Variants in RORA observed in about 807,000 individuals in gnomAD.
RORA encodes RAR related orphan receptor A, also known as nuclear receptor ROR-alpha.
RORA carries 7 observed loss-of-function variants against 69.5 expected under a neutral mutation model. The observed-to-expected ratio is 0.10, with a 90% CI of 0.06 to 0.19. The LOEUF (loss-of-function observed/expected upper bound fraction) is 0.19, where lower values mean the gene tolerates loss of function less well. Among genes scored for constraint, RORA ranks in the 10% least tolerant of loss-of-function variants. The pLI is 1.00. For missense variants in RORA, 457 were observed against 663.0 expected, an observed-to-expected ratio of 0.69 and a Z score of 3.41; for synonymous variants, 261 against 240.8, an observed-to-expected ratio of 1.08 and a Z score of -0.78.
chr15:61,139,512 A>G (rs1340037465), intron 1 of RORA, among the ~76,000 whole-genome samples: 1 of 152,240 alleles, frequency 6.6e-6, no homozygotes, highest in African/African-American at 2.4e-5. Context: ...TAATACATCA[A>G]CTTTTGGATT....
rs186905146 is a variant in RORA at position 61,128,290 on chromosome 15, C to T, written c.166+100763G>A. Among the ~76,000 whole-genome samples the T allele has an allele frequency of 1.2e-4, 18 of 151,564 alleles. No individual in the cohort carries two copies. In the East Asian group the frequency reaches 1.5e-3, roughly 13 times the overall value. On this transcript the variant is annotated intron_variant, in intron 1 of 10. Transcript: ENST00000335670. The surrounding 1 kb of genome is among the most constrained non-coding windows in gnomAD (Gnocchi z 4.5). ...CACTAGAAAAAAACAGCAAATTGAC[C>T]GGAGAATTATTAGCTTACCTTTATT...
intron 1 of RORA, among the ~76,000 whole-genome samples, chr15:60,810,855 A>AGG (rs2072733770): frequency 6.6e-6 from 1 of 152,210 alleles, no homozygotes; most frequent in Admixed American, 6.6e-5. Context: ...GGCATTAAAA[A>AGG]GCTGAGTGTG....
chr15:61,219,928 GTTC>G (rs1315742071), intron 1 of RORA, among the ~76,000 whole-genome samples: 41 of 152,144 alleles, frequency 2.7e-4, no homozygotes, highest in East Asian at 1.9e-4. Context: ...TGTAGCTTCA[GTTC>G]TTCTTCTGAT....
intron 2 of RORA, among the ~76,000 whole-genome samples, chr15:60,644,722 C>T (rs551308914): frequency 1.2e-4 from 19 of 152,254 alleles, no homozygotes; most frequent in African/African-American, 4.3e-4. Context: ...AGAGACAAAC[C>T]GTGTTCTGTG....
At chr15:61,043,026 G>C (rs1896857915) in intron 1 of RORA, among the ~76,000 whole-genome samples, 1 of 152,222 alleles carries the variant, frequency 6.6e-6, no homozygotes, top group African/African-American at 2.4e-5. Context: ...CAGGCTGAGA[G>C]TGATGGACAT....
At chr15:61,141,035 C>T (rs1033087261) in intron 1 of RORA, among the ~76,000 whole-genome samples, 2 of 152,090 alleles carry the variant, frequency 1.3e-5, no homozygotes, top group East Asian at 1.9e-4. Context: ...ATTTGCAGTA[C>T]CCTTATCTGT....
At chr15:60,624,496 A>ATATATATATATATATATATATG (rs2069513207) in intron 2 of RORA, among the ~76,000 whole-genome samples, 1 of 121,144 alleles carries the variant, frequency 8.3e-6, no homozygotes, top group Non-Finnish European at 1.7e-5. Flanking sequence ...ATATATATAT[A>ATATATATATATATATATATATG]TTTGCTGTAT....
At chr15:60,717,790 TTTTCTC>T (rs1245062517) in intron 1 of RORA, among the ~76,000 whole-genome samples, 3 of 126,934 alleles carry the variant, frequency 2.4e-5, no homozygotes, top group African/African-American at 8.7e-5. Flanking sequence ...TCTTTTTTCT[TTTTCTC>T]TTTTTTTTTT....
intron 1 of RORA, among the ~76,000 whole-genome samples, chr15:60,809,081 G>A (rs1477494752): frequency 2.6e-5 from 4 of 152,200 alleles, no homozygotes; most frequent in African/African-American, 7.2e-5. Context: ...TACACTGCTC[G>A]GGTGATGGGT....
chr15:61,036,907 G>A (rs976348476), intron 1 of RORA, among the ~76,000 whole-genome samples: 25 of 151,778 alleles, frequency 1.6e-4, no homozygotes, highest in African/African-American at 5.3e-4. Flanking sequence ...TGCTGGCCTC[G>A]GTGAAAACAA....
At chr15:60,858,657 C>T (rs1471741400) in intron 1 of RORA, among the ~76,000 whole-genome samples, 2 of 149,800 alleles carry the variant, frequency 1.3e-5, no homozygotes, top group Non-Finnish European at 3.0e-5. Flanking sequence ...CTGGGTTTCA[C>T]TCTGAGTTTT....
chr15:60,556,431 C>T (rs1360627125), intron 2 of RORA, among the ~76,000 whole-genome samples: 3 of 152,202 alleles, frequency 2.0e-5, no homozygotes, highest in African/African-American at 4.8e-5. Flanking sequence ...ACTTCTATCC[C>T]GCCTTTTCTC....
At chr15:60,869,125 C>T (rs150293782) in intron 1 of RORA, among the ~76,000 whole-genome samples, 4 of 152,288 alleles carry the variant, frequency 2.6e-5, no homozygotes, top group Non-Finnish European at 4.4e-5. Flanking sequence ...AAAAAGAACA[C>T]ATCAGTTCCT....
At chr15:61,198,575 A>C (rs2079865585) in intron 1 of RORA, among the ~76,000 whole-genome samples, 1 of 152,098 alleles carries the variant, frequency 6.6e-6, no homozygotes. Flanking sequence ...ATGTCCTGGA[A>C]AGAAGTATTA....
At chr15:60,730,580 T>C (rs897876943) in intron 1 of RORA, among the ~76,000 whole-genome samples, 1 of 152,236 alleles carries the variant, frequency 6.6e-6, no homozygotes, top group Non-Finnish European at 1.5e-5. Context: ...CTTTTAAATA[T>C]AACATTTTCT....
chr15:61,006,403 C>T (rs1174056221), intron 1 of RORA, among the ~76,000 whole-genome samples: 1 of 152,102 alleles, frequency 6.6e-6, no homozygotes, highest in East Asian at 1.9e-4. Flanking sequence ...TATCTTCTGA[C>T]TCGTTGGAAC....
chr15:61,227,551 C>T (rs921369566), intron 1 of RORA, among the ~76,000 whole-genome samples: 1 of 151,608 alleles, frequency 6.6e-6, no homozygotes, highest in African/African-American at 2.4e-5. Flanking sequence ...AATGGGAAAG[C>T]GCCTGGACAG....
At chr15:60,525,050 C>A (rs1458700231) in intron 3 of RORA, among the ~76,000 whole-genome samples, 1 of 152,016 alleles carries the variant, frequency 6.6e-6, no homozygotes, top group Non-Finnish European at 1.5e-5. Context: ...GTAGGGCCGA[C>A]TGAATAACAA....
intron 1 of RORA, among the ~76,000 whole-genome samples, chr15:60,914,417 C>T (rs935832599): frequency 6.6e-5 from 10 of 152,138 alleles, no homozygotes; most frequent in African/African-American, 2.4e-4. Flanking sequence ...TACATACAAC[C>T]CCAGTCAGAT....
Sources: allele counts gnomAD v4.1 joint callset (sites outside exome capture counted in the v4.1 genomes callset), GRCh38; gene constraint gnomAD v4.1.1; non-coding constraint Gnocchi (gnomAD v3.1); transcripts MANE v1.5; gene names NCBI Gene and HGNC (gene_info 2026-07-23, HGNC 2026-07-21).